RPS6KA6: variants seen among roughly 807,000 people sequenced by gnomAD.
RPS6KA6 encodes ribosomal protein S6 kinase alpha-6.
In RPS6KA6, 27 loss-of-function variants were observed where a neutral mutation model predicts 65.4. The observed-to-expected ratio is 0.41, with a 90% CI of 0.30 to 0.57. The LOEUF (loss-of-function observed/expected upper bound fraction) is 0.57, where lower values mean the gene tolerates loss of function less well. Among genes scored for constraint, RPS6KA6 ranks in the 20% least tolerant of loss-of-function variants. RPS6KA6 has a pLI of 0.24. For missense variants in RPS6KA6, 486 were observed against 555.6 expected, an observed-to-expected ratio of 0.87 and a Z score of 1.26; for synonymous variants, 190 against 184.2, an observed-to-expected ratio of 1.03 and a Z score of -0.26.
At chrX:84,187,533 G>C (rs750887701) in intron 1 of RPS6KA6, 23 of 254,112 alleles carry the variant, frequency 9.1e-5, no homozygotes, top group Non-Finnish European at 1.5e-4. Flanking sequence ...TCCCCTTCGG[G>C]TCGGAAAGTG....
intron 12 of RPS6KA6, among the ~76,000 whole-genome samples, chrX:84,112,051 C>G (rs1212406070): frequency 9.0e-6 from 1 of 111,526 alleles, no homozygotes. Context: ...TCAGATAAAA[C>G]AGACTTTAAA....
At chrX:84,073,250 A>G (rs962597795) in intron 20 of RPS6KA6, among the ~76,000 whole-genome samples, 6 of 111,918 alleles carry the variant, frequency 5.4e-5, no homozygotes, top group African/African-American at 1.9e-4. Context: ...GATTTTCAAT[A>G]AAGGCAGCAG....
chrX:84,074,275 C>T (rs1372563895), intron 20 of RPS6KA6, among the ~76,000 whole-genome samples: 1 of 111,516 alleles, frequency 9.0e-6, no homozygotes, highest in African/African-American at 3.3e-5. Flanking sequence ...AATACAAATA[C>T]CACCTGATCC....
At chrX:84,125,853 C>CA (rs1488374897) in intron 8 of RPS6KA6, among the ~76,000 whole-genome samples, 1 of 109,743 alleles carries the variant, frequency 9.1e-6, no homozygotes, top group Admixed American at 9.8e-5. Flanking sequence ...GACTCCATCT[C>CA]AAAAAATACA....
chrX:84,113,642 T>C (rs1040458826), intron 12 of RPS6KA6, among the ~76,000 whole-genome samples: 1 of 111,354 alleles, frequency 9.0e-6, no homozygotes, highest in African/African-American at 3.3e-5. Context: ...CTCCATATAA[T>C]AGGCATAGAA....
chrX:84,090,366 T>C (rs1323639201), intron 20 of RPS6KA6, among the ~76,000 whole-genome samples: 1 of 112,235 alleles, frequency 8.9e-6, no homozygotes, highest in Non-Finnish European at 1.9e-5. Flanking sequence ...CATGAGGCAT[T>C]TGAAAACTGT....
At chrX:84,092,954 G>T (rs1354749406) in intron 20 of RPS6KA6, among the ~76,000 whole-genome samples, 1 of 111,864 alleles carries the variant, frequency 8.9e-6, no homozygotes, top group Non-Finnish European at 1.9e-5. Context: ...CATATGAATT[G>T]ATAAAGAAAA....
At chrX:84,074,890 A>T (rs933338096) in intron 20 of RPS6KA6, among the ~76,000 whole-genome samples, 2 of 111,670 alleles carry the variant, frequency 1.8e-5, no homozygotes, top group African/African-American at 6.5e-5. Flanking sequence ...AATAGTTATT[A>T]TAATTGTATT....
At chrX:84,156,519 G>C (rs1299834779) in intron 2 of RPS6KA6, among the ~76,000 whole-genome samples, 1 of 111,443 alleles carries the variant, frequency 9.0e-6, no homozygotes, top group African/African-American at 3.3e-5. Flanking sequence ...TAATGAGGTA[G>C]AGGCAGAAAA....
At chrX:84,151,329 G>C (rs2035322421) in intron 3 of RPS6KA6, among the ~76,000 whole-genome samples, 1 of 107,181 alleles carries the variant, frequency 9.3e-6, no homozygotes. Context: ...AAGGATATCT[G>C]TGAAGTGCAA....
At chrX:84,106,677 T>TA (rs1385271941) in intron 14 of RPS6KA6, among the ~76,000 whole-genome samples, 190 bp from the exon 15 acceptor site, 2 of 111,324 alleles carry the variant, frequency 1.8e-5, no homozygotes, top group Admixed American at 9.6e-5. Context: ...ATAAAGCAAC[T>TA]AGCTTATACA....
chrX:84,070,526 G>T (rs768449737), intron 20 of RPS6KA6, among the ~76,000 whole-genome samples: 1 of 110,513 alleles, frequency 9.0e-6, no homozygotes, highest in South Asian at 3.9e-4. Context: ...AAACCTGCAC[G>T]TTCTGCACAA....
intron 16 of RPS6KA6, among the ~76,000 whole-genome samples, chrX:84,105,349 T>G (rs1338232138): frequency 9.0e-6 from 1 of 111,418 alleles, no homozygotes; most frequent in Admixed American, 9.6e-5. Context: ...AGTTATACAT[T>G]CATTTTACAA....
intron 8 of RPS6KA6, among the ~76,000 whole-genome samples, chrX:84,124,360 T>C (rs142788932): frequency 0.013 from 1,427 of 112,022 alleles, 19 homozygotes; most frequent in African/African-American, 0.035. Context: ...GGCTTTCAGA[T>C]AGATAATTCA....
intron 6 of RPS6KA6, among the ~76,000 whole-genome samples, chrX:84,140,733 C>CAAAAAAA (rs776505772): frequency 4.8e-5 from 2 of 41,788 alleles, no homozygotes; most frequent in Non-Finnish European, 7.6e-5. Flanking sequence ...GACTCCATCT[C>CAAAAAAA]AAAAAAAAAA....
chrX:84,168,134 G>T (rs1186520055), intron 1 of RPS6KA6, among the ~76,000 whole-genome samples: 1 of 110,653 alleles, frequency 9.0e-6, no homozygotes, highest in South Asian at 3.9e-4. Flanking sequence ...TTTAGCTTCT[G>T]TAATACCATA....
intron 20 of RPS6KA6, among the ~76,000 whole-genome samples, chrX:84,089,128 T>C (rs770164014): frequency 8.9e-6 from 1 of 111,771 alleles, no homozygotes; most frequent in Non-Finnish European, 1.9e-5. Context: ...TGAGGAGAGA[T>C]GGATTGGGGT....
In RPS6KA6 at chrX:84,166,145, C is replaced by T. The variant is rs75245638; in HGVS notation, c.82-1758G>A. Among the ~76,000 whole-genome samples the T allele has an allele frequency of 3.3e-3, 368 of 112,074 alleles. 7 individuals carry two copies. In the East Asian group the frequency reaches 0.085, roughly 26 times the overall value. On this transcript the variant is annotated intron_variant, in intron 1 of 21. Transcript: ENST00000262752. ...TCCAATGAGTGGCACATGCAGAGTG[C>T]TGACCCAAACTCTCTGAAAACTGAA...
chrX:84,064,719 G>T (rs895375693), intron 21 of RPS6KA6, among the ~76,000 whole-genome samples: 15 of 111,567 alleles, frequency 1.3e-4, no homozygotes, highest in Admixed American at 1.2e-3. Context: ...TATGAAACTT[G>T]CATTTAGCCC....
Sources: allele counts gnomAD v4.1 joint callset (sites outside exome capture counted in the v4.1 genomes callset), GRCh38; gene constraint gnomAD v4.1.1; transcripts MANE v1.5; gene names NCBI Gene and HGNC (gene_info 2026-07-23, HGNC 2026-07-21).